RMDN2: variants seen among roughly 807,000 people sequenced by gnomAD.
The protein encoded by RMDN2 is regulator of microtubule dynamics 2.
In RMDN2, 61 loss-of-function variants were observed where a neutral mutation model predicts 52.8. The observed-to-expected ratio is 1.16, with a 90% confidence interval of 0.94 to 1.43. The LOEUF (loss-of-function observed/expected upper bound fraction) is 1.43, where lower values mean the gene tolerates loss of function less well. Among genes scored for constraint, RMDN2 ranks in the 40% most tolerant of loss-of-function variants. The pLI is 0.00. For synonymous variants in RMDN2, 180 were observed against 153.1 expected (o/e 1.18, Z -1.30); for missense variants, 592 against 475.3 (o/e 1.25, Z -2.28).
intron 2 of RMDN2, among the ~76,000 whole-genome samples, chr2:37,946,993 T>C (rs1277609573): frequency 6.6e-6 from 1 of 152,246 alleles, no homozygotes; most frequent in African/African-American, 2.4e-5. Flanking sequence ...TCTATATTCT[T>C]GACTAGAATG....
chr2:38,009,907 G>C (rs994329090), intron 10 of RMDN2, among the ~76,000 whole-genome samples: 3 of 152,138 alleles, frequency 2.0e-5, no homozygotes, highest in African/African-American at 7.2e-5. Flanking sequence ...TGTCCTTTCT[G>C]TTTATTAGTT....
downstream of RMDN2, among the ~76,000 whole-genome samples, chr2:38,021,621 G>T (rs1242691367): frequency 6.6e-6 from 1 of 152,062 alleles, no homozygotes; most frequent in Non-Finnish European, 1.5e-5. Context: ...TCACCGCGAG[G>T]GTCCACGGCT....
intron 2 of RMDN2, chr2:37,951,899 A>G (rs1251008282): frequency 6.2e-7 from 1 of 1,611,766 alleles, no homozygotes; most frequent in Non-Finnish European, 8.5e-7. Context: ...CCGATCAACA[A>G]AATGGAATTG....
At chr2:38,000,346 A>G (rs772322924) in intron 8 of RMDN2, among the ~76,000 whole-genome samples, 1 of 152,232 alleles carries the variant, frequency 6.6e-6, no homozygotes, top group Admixed American at 6.5e-5. Context: ...ATCTTGAAGT[A>G]TAGTTTATAA....
chr2:37,977,035 G>C (rs1386244566), intron 4 of RMDN2, among the ~76,000 whole-genome samples: 1 of 152,040 alleles, frequency 6.6e-6, no homozygotes, highest in African/African-American at 2.4e-5. Flanking sequence ...TCAGATTAGG[G>C]AGTGGTGATG....
At chr2:37,956,841 T>A (rs1272051339) in intron 2 of RMDN2, among the ~76,000 whole-genome samples, 3 of 151,910 alleles carry the variant, frequency 2.0e-5, no homozygotes, top group Non-Finnish European at 4.4e-5. Flanking sequence ...GTGTGTGATG[T>A]TCCCCTCCCT....
intron 10 of RMDN2, among the ~76,000 whole-genome samples, chr2:38,057,678 G>A (rs1681898019): frequency 6.6e-6 from 1 of 152,170 alleles, no homozygotes; most frequent in Admixed American, 6.5e-5. Context: ...GGTAGGAGGT[G>A]ATTGGATCAA....
chr2:38,066,930 T>G, intron 10 of RMDN2: 3 of 1,605,248 alleles, frequency 1.9e-6, no homozygotes, highest in Non-Finnish European at 1.7e-6. Context: ...CGCCAAAGTT[T>G]CAATGCCATT....
At chr2:37,951,969 C>T (rs139184521) in intron 2 of RMDN2, 23 of 1,613,312 alleles carry the variant, frequency 1.4e-5, no homozygotes, top group East Asian at 4.5e-5. Flanking sequence ...CCTTCATCCT[C>T]GTCCTGAAAG....
At chr2:37,986,972 T>C (rs1363323689) in intron 5 of RMDN2, among the ~76,000 whole-genome samples, 1 of 152,036 alleles carries the variant, frequency 6.6e-6, no homozygotes, top group African/African-American at 2.4e-5. Flanking sequence ...CTGAAAGTTC[T>C]AGCTAATGCC....
At chr2:38,034,604 T>C (rs1680448633) in intron 10 of RMDN2, among the ~76,000 whole-genome samples, 1 of 152,108 alleles carries the variant, frequency 6.6e-6, no homozygotes, top group African/African-American at 2.4e-5. Flanking sequence ...TGGTAAACAA[T>C]GATATTTTAA....
chr2:37,932,636 C>T (rs377296974), intron 2 of RMDN2, among the ~76,000 whole-genome samples: 5 of 151,360 alleles, frequency 3.3e-5, no homozygotes, highest in South Asian at 2.1e-4. Context: ...CCAGTAGGGG[C>T]GGCCGGGCAG....
At position 37,974,042 on chromosome 2, in the gene RMDN2, A is replaced by G; in HGVS notation, c.455A>G (p.Tyr152Cys). 3 of 1,605,610 alleles carry G rather than the reference A, an allele frequency of 1.9e-6. No individual in the cohort carries two copies. The highest frequency in any genetic ancestry group is 2.6e-6 in the Non-Finnish European group (3 of 1,175,956). The change falls in exon 3 of 11, where the codon TAT becomes TGT. Residue 152 changes from tyrosine (Y) to cysteine (C), a missense_variant and splice_region_variant. Tyr to Cys is a radical substitution (Grantham distance 194). Coordinates refer to ENST00000354545, the MANE Select transcript of RMDN2 (RefSeq NM_001170791.3). ...SSEEAESEGG[Y>C]ITANTDTEEQ... is the part of the protein sequence containing the mutation. Reference sequence around the variant, plus strand: ...GATGATTATTTCTGCGATTTTAGGTATATTACAGCTAATACTGACACAGAA... The same window carrying G: ...GATGATTATTTCTGCGATTTTAGGTGTATTACAGCTAATACTGACACAGAA...
In RMDN2 at chr2:38,040,674, A is replaced by G. The variant is rs559762375; in HGVS notation, c.1714-26308A>G. On this transcript the variant is annotated intron_variant, in intron 10 of 10. Transcript: ENST00000234195. ...TCAGGTAATTTTAGTTCTTAACATCATTCTTCAGTATTGTATTGTCTGTTC... is the reference window on the plus strand; with the variant it reads ...TCAGGTAATTTTAGTTCTTAACATCGTTCTTCAGTATTGTATTGTCTGTTC... Among the ~76,000 whole-genome samples the G allele has an allele frequency of 3.9e-5, 6 of 152,326 alleles. No homozygotes were observed. The South Asian group carries it at 8.3e-4, about 21-fold the overall frequency.
intron 2 of RMDN2, among the ~76,000 whole-genome samples, chr2:37,948,699 G>A (rs1230338386): frequency 6.6e-6 from 1 of 152,252 alleles, no homozygotes; most frequent in East Asian, 1.9e-4. Flanking sequence ...GATATTTCCT[G>A]TACTGGTATG....
chr2:38,021,790 T>G (rs1679400447), downstream of RMDN2, among the ~76,000 whole-genome samples: 1 of 152,144 alleles, frequency 6.6e-6, no homozygotes, highest in African/African-American at 2.4e-5. Context: ...ATATGAGCAG[T>G]GGGGAGCAGC....
rs1376285750 is a variant in RMDN2 at position 37,997,434 on chromosome 2, A to T, written c.964A>T (p.Ile322Phe). The change falls in exon 8 of 11, where the codon ATT becomes TTT. Residue 322 changes from isoleucine to phenylalanine, a missense_variant. Ile to Phe is a conservative substitution (Grantham distance 21). Coordinates refer to ENST00000354545, the MANE Select transcript of RMDN2 (RefSeq NM_001170791.3). ...YCYTVSKLSW[I>F]EKKMAATLFG... ...TTTGCAGGTCTCAAAACTGAGCTGG[A>T]TTGAGAAAAAAATGGCTGCTACTCT... 1 of 1,613,320 alleles carries T rather than the reference A, an allele frequency of 6.2e-7. No homozygotes were observed. Among genetic ancestry groups the T allele is most frequent in the Admixed American group, 1.7e-5 (1 of 60,000 alleles).
At chr2:38,035,803 A>G (rs1429716518) in intron 10 of RMDN2, 3 of 152,198 alleles carry the variant, frequency 2.0e-5, no homozygotes, top group African/African-American at 4.8e-5. Flanking sequence ...TCATAGCACC[A>G]TGATGTCCAC....
intron 10 of RMDN2, among the ~76,000 whole-genome samples, chr2:38,026,644 G>T (rs1679802212): frequency 6.6e-6 from 1 of 151,814 alleles, no homozygotes; most frequent in African/African-American, 2.4e-5. Flanking sequence ...GGATACATGT[G>T]CAGAACATGC....
Sources: allele counts gnomAD v4.1 joint callset (sites outside exome capture counted in the v4.1 genomes callset), GRCh38; gene constraint gnomAD v4.1.1; transcripts MANE v1.5; gene names NCBI Gene and HGNC (gene_info 2026-07-23, HGNC 2026-07-21).